The following RNASE4 variants were observed in gnomAD, a reference collection of about 807,000 sequenced individuals.
RNASE4 encodes the protein ribonuclease 4.
For synonymous variants in RNASE4, 93 were observed against 71.4 expected (o/e 1.30, Z -1.52); for missense variants, 194 against 192.8 (o/e 1.01, Z -0.04).
At chr14:20,696,358 C>T (rs1464150827) in intron 1 of RNASE4, among the ~76,000 whole-genome samples, 1 of 152,152 alleles carries the variant, frequency 6.6e-6, no homozygotes. Flanking sequence ...ATCACAACCA[C>T]AAGCTGTTTA....
Position 20,699,461 on chromosome 14 carries a change from TG to T in RNASE4, c.92del (p.Gly31AlafsTer25). ...TGGTCCAGCCCTCCTATGGCCAGGA[TG>T]GCATGTACCAGCGATTCCTGCGGCA... Reference protein sequence around the residue: ...GLVQPSYGQDGMYQRFLRQHV... With the variant: ...GLVQPSYGQDXMYQRFLRQHV... On this transcript the variant is annotated frameshift_variant, in exon 2 of 2. Coordinates refer to ENST00000555835, the MANE Select transcript of RNASE4 (RefSeq NM_002937.5). LOFTEE classifies it low-confidence loss of function (END_TRUNC). The T allele has an allele frequency of 3.7e-6, 6 of 1,614,004 alleles. No individual in the cohort carries two copies. In the South Asian group the frequency reaches 4.4e-5, roughly 12 times the overall value.
intron 1 of RNASE4, among the ~76,000 whole-genome samples, chr14:20,685,246 C>T (rs770925368): frequency 3.3e-5 from 5 of 152,296 alleles, no homozygotes; most frequent in African/African-American, 1.2e-4. Flanking sequence ...AGACACTTGC[C>T]AACAGCCTCT....
chr14:20,700,077 G>A lies in RNASE4; in HGVS notation c.*262G>A, dbSNP rs1444479727. 4.5e-6 allele frequency: 2 copies of A among 449,252 alleles called. No individual in the cohort carries two copies. Among genetic ancestry groups the A allele is most frequent in the Non-Finnish European group, 8.2e-6 (2 of 242,902 alleles). The allele number at this position is 449,252 out of a possible 1,614,324, so 27.8% of individuals were successfully genotyped here. On this transcript the variant is annotated 3_prime_UTR_variant, in exon 2 of 2. Coordinates refer to ENST00000555835, the MANE Select transcript of RNASE4 (RefSeq NM_002937.5). ...TTAGCTCTCTCAGATCCTATCCTGT[G>A]GAATTTAGTTATTATGTGTATTTAT...
intron 1 of RNASE4, chr14:20,693,990 A>G (rs1019789312): frequency 6.2e-7 from 1 of 1,613,868 alleles, no homozygotes; most frequent in African/African-American, 1.3e-5. Context: ...TGGATCAGTC[A>G]ATTTTCCGTC....
At chr14:20,687,922 T>C (rs1465234382) in intron 1 of RNASE4, among the ~76,000 whole-genome samples, 2 of 152,198 alleles carry the variant, frequency 1.3e-5, no homozygotes, top group East Asian at 3.9e-4. Context: ...AACACCACTG[T>C]GGGCAAATGC....
intron 1 of RNASE4, 71 bp from the exon 2 acceptor site, chr14:20,699,284 G>A (rs2139038263): frequency 7.6e-7 from 1 of 1,323,314 alleles, no homozygotes; most frequent in Middle Eastern, 2.1e-4. Context: ...ATGCCGGCTT[G>A]CTATTCTCAA....
At chr14:20,692,359 A>G (rs1217742756) in intron 1 of RNASE4, among the ~76,000 whole-genome samples, 2 of 152,178 alleles carry the variant, frequency 1.3e-5, no homozygotes, top group Admixed American at 1.3e-4. Context: ...ACTGCTTTCA[A>G]CTGCTTTCTT....
At position 20,699,642 on chromosome 14, in the gene RNASE4, C is replaced by G. The variant is rs753709563; in HGVS notation, c.271C>G (p.Gln91Glu). ...IRSICSTTNI[Q>E]CKNGKMNCHE... Reference sequence around the variant, plus strand: ...TAGTATCTGCAGCACCACCAATATCCAATGCAAGAACGGCAAGATGAACTG... The same window carrying G: ...TAGTATCTGCAGCACCACCAATATCGAATGCAAGAACGGCAAGATGAACTG... Residue 91 changes from glutamine (Q) to glutamate (E), a missense_variant, in exon 2 of 2, where the codon CAA becomes GAA. Coordinates refer to ENST00000555835, the MANE Select transcript of RNASE4 (RefSeq NM_002937.5). 6.2e-7 allele frequency: 1 copy of G among 1,613,100 alleles called. No homozygotes were observed. Among genetic ancestry groups the G allele is most frequent in the South Asian group, 1.1e-5 (1 of 91,084 alleles).
In RNASE4 at chr14:20,696,493, A is replaced by G. The variant is rs375477062; in HGVS notation, c.-17-2862A>G. ...AAGAAGGAACACTCCAAAATGCTAAATGCTTTGAAGAATAGTGACATGCAA... is the reference window on the plus strand; with the variant it reads ...AAGAAGGAACACTCCAAAATGCTAAGTGCTTTGAAGAATAGTGACATGCAA... On this transcript the variant is annotated intron_variant, in intron 1 of 1. Coordinates refer to ENST00000555835, the MANE Select transcript of RNASE4 (RefSeq NM_002937.5). Among the ~76,000 whole-genome samples, 194 of 152,282 alleles carry G rather than the reference A, an allele frequency of 1.3e-3. 1 individual carries two copies. The highest frequency in any genetic ancestry group is 4.5e-3 in the African/African-American group (185 of 41,554).
intron 1 of RNASE4, among the ~76,000 whole-genome samples, chr14:20,695,381 C>T (rs193036224): frequency 1.4e-4 from 19 of 140,088 alleles, no homozygotes; most frequent in South Asian, 4.6e-4. Context: ...GGCGACAGAG[C>T]GAGACTCCAT....
chr14:20,691,729 A>G (rs1886761107), intron 1 of RNASE4, among the ~76,000 whole-genome samples: 2 of 152,266 alleles, frequency 1.3e-5, no homozygotes, highest in African/African-American at 4.8e-5. Flanking sequence ...TCATTCCACA[A>G]TAATGGAGTA....
At chr14:20,689,518 T>G (rs1484910540) in intron 1 of RNASE4, among the ~76,000 whole-genome samples, 1 of 152,304 alleles carries the variant, frequency 6.6e-6, no homozygotes, top group East Asian at 1.9e-4. Flanking sequence ...GTGTGTAAAA[T>G]TTGATGAATC....
chr14:20,699,527 CT>C lies in RNASE4; in HGVS notation c.157del (p.Cys53AlafsTer3), dbSNP rs1462617821. 2 of 1,614,126 alleles carry C rather than the reference CT, an allele frequency of 1.2e-6. No individual in the cohort carries two copies. The highest frequency in any genetic ancestry group is 2.7e-5 in the African/African-American group (2 of 74,944). On this transcript the variant is annotated frameshift_variant, in exon 2 of 2. Coordinates refer to ENST00000555835, the MANE Select transcript of RNASE4 (RefSeq NM_002937.5). LOFTEE classifies it low-confidence loss of function (END_TRUNC). ...AGGAGACAGGTGGCAGTGATCGCTACTGCAACTTGATGATGCAAAGACGGAA... is the reference window on the plus strand; with the variant it reads ...AGGAGACAGGTGGCAGTGATCGCTACGCAACTTGATGATGCAAAGACGGAA... ...PEETGGSDRYCNLMMQRRKMT... is the reference protein window; with the variant it reads ...PEETGGSDRYXNLMMQRRKMT...
chr14:20,699,851 C>T lies in RNASE4; in HGVS notation c.*36C>T, dbSNP rs943636305. 4 of 1,567,856 alleles carry T rather than the reference C, an allele frequency of 2.6e-6. No homozygotes were observed. Among genetic ancestry groups the T allele is most frequent in the Middle Eastern group, 1.7e-4 (1 of 5,950 alleles). On this transcript the variant is annotated 3_prime_UTR_variant, in exon 2 of 2. Coordinates refer to ENST00000555835, the MANE Select transcript of RNASE4 (RefSeq NM_002937.5). ...GTAGGGATTATCGCGAGTGGTTGACCTTACACTTACTCCTTAAATAGCAGT... is the reference window on the plus strand; with the variant it reads ...GTAGGGATTATCGCGAGTGGTTGACTTTACACTTACTCCTTAAATAGCAGT...
rs1566606200 is a variant in RNASE4 at position 20,699,584 on chromosome 14, C to T, written c.213C>T (p.Asn71=). 6.2e-7 allele frequency: 1 copy of T among 1,614,194 alleles called. No individual in the cohort carries two copies. The change falls in exon 2 of 2, where the codon AAC becomes AAT. Residue 71 remains asparagine, a synonymous_variant. Transcript: ENST00000555835. ...CTTTGTATCACTGCAAGCGCTTCAA[C>T]ACCTTCATCCATGAAGATATCTGGA... ...KMTLYHCKRF[N]TFIHEDIWNI...
chr14:20,696,881 A>C lies in RNASE4; in HGVS notation c.-17-2474A>C, dbSNP rs368106594. Among the ~76,000 whole-genome samples the C allele has an allele frequency of 2.6e-5, 4 of 152,320 alleles. No homozygotes were observed. The East Asian group carries it at 5.8e-4, about 22-fold the overall frequency. ...ATTTTGCTTATGAGGAAATCTGCTG[A>C]GAGAGATTAAGTAATTTTCTCATGG... On this transcript the variant is annotated intron_variant, in intron 1 of 1. Transcript: ENST00000555835.
chr14:20,691,405 A>G (rs1886738224), intron 1 of RNASE4, among the ~76,000 whole-genome samples: 1 of 152,256 alleles, frequency 6.6e-6, no homozygotes, highest in South Asian at 2.1e-4. Context: ...GATCTTCCAA[A>G]AAACTAGAAA....
intron 1 of RNASE4, among the ~76,000 whole-genome samples, chr14:20,693,009 G>T (rs1170376342): frequency 6.6e-6 from 1 of 151,606 alleles, no homozygotes; most frequent in South Asian, 2.1e-4. Context: ...CACTACGCCC[G>T]GCTAATTTTT....
At chr14:20,689,925 A>AC (rs1440474314) in intron 1 of RNASE4, among the ~76,000 whole-genome samples, 1 of 151,122 alleles carries the variant, frequency 6.6e-6, no homozygotes, top group East Asian at 1.9e-4. Flanking sequence ...CAAAAAAAAA[A>AC]AAAAAACAGG....
Sources: gnomAD v4.1 joint callset for allele counts (sites outside exome capture counted in the v4.1 genomes callset) on GRCh38, gnomAD v4.1.1 for gene constraint, MANE v1.5 for transcripts, NCBI Gene and HGNC (gene_info 2026-07-23, HGNC 2026-07-21) for gene names.